Variants in ZYX observed in about 807,000 individuals in gnomAD.
ZYX encodes zyxin-2.
Under a neutral mutation model 58.1 loss-of-function variants are expected in ZYX, and 37 were observed. The ratio of observed to expected loss-of-function variants is 0.64; its 90% CI spans 0.49 to 0.84. The LOEUF (loss-of-function observed/expected upper bound fraction) is 0.84. Among genes scored for constraint, ZYX ranks in the 40% least tolerant of loss-of-function variants. The pLI is 0.00. For missense variants in ZYX, 762 were observed against 761.6 expected (o/e 1.00, Z -0.01); for synonymous variants, 324 against 321.1 (o/e 1.01, Z -0.10).
chr7:143,387,666 A>G lies in ZYX; in HGVS notation c.1024-553A>G. On this transcript the variant is annotated intron_variant, in intron 5 of 9. Transcript: ENST00000322764. The surrounding 1 kb of genome is among the most constrained non-coding windows in gnomAD (Gnocchi z 5.8). ...AGTTCAGAGGCCCCTCACTCGAGGG[A>G]CAGGGTCTCTGTGTGGGGGTGGGGC... 5.1e-5 allele frequency: 24 copies of G among 470,518 alleles called. No homozygotes were observed. Among genetic ancestry groups the G allele is most frequent in the South Asian group, 3.7e-4 (24 of 64,534 alleles). 29.1% of individuals were successfully genotyped at this position (470,518 alleles called of 1,614,324 possible). A position where few individuals can be genotyped will look rare whatever the true frequency, so the allele number is the denominator to read the frequency against.
rs748856055 is a variant in ZYX at position 143,382,372 on chromosome 7, G to A, written c.333G>A (p.Glu111=). The change falls in exon 3 of 10, where the codon GAG becomes GAA. Residue 111 remains glutamate (E), a synonymous_variant. Transcript: ENST00000322764. ...CATTTCCCCCTGCGCCTCTGGAGGAGGAGATCTTCCCTTCCCCGCCGCCTC... is the reference window on the plus strand; with the variant it reads ...CATTTCCCCCTGCGCCTCTGGAGGAAGAGATCTTCCCTTCCCCGCCGCCTC... ...EESFPPAPLE[E]EIFPSPPPPP... is the part of the protein sequence containing the mutation. The A allele has an allele frequency of 1.3e-6, 2 of 1,590,106 alleles. No individual in the cohort carries two copies. The highest frequency in any genetic ancestry group is 1.1e-5 in the South Asian group (1 of 89,210).
chr7:143,390,525 G>T lies in ZYX; in HGVS notation c.1615-53G>T. 7.4e-7 allele frequency: 1 copy of T among 1,347,648 alleles called. No homozygotes were observed. 83.5% of individuals were successfully genotyped at this position (1,347,648 alleles called of 1,614,324 possible). On this transcript the variant is annotated intron_variant, in intron 9 of 9. Coordinates refer to ENST00000322764, the MANE Select transcript of ZYX (RefSeq NM_003461.5). This position sits in a 1 kb window ranked among gnomAD's most constrained non-coding sequence, Gnocchi z 4.3. ...GAGCTGGATGGGGTGGGGTAGGGTG[G>T]AGCAGAGCAGGGGCCTTCCGGTCCA...
rs1428557764 is a variant in ZYX, at chr7:143,388,953, C to T, written c.1493+8C>T. ...TGTCCCCGACTACCACAAGTGAGGA[C>T]CTGCCACCTGCCTTCTGGGTTCCCG... On this transcript the variant is annotated splice_region_variant and intron_variant, in intron 8 of 9. Transcript: ENST00000322764. The surrounding 1 kb of genome is among the most constrained non-coding windows in gnomAD (Gnocchi z 7.5). 6.2e-7 allele frequency: 1 copy of T among 1,600,428 alleles called. No homozygotes were observed. The highest frequency in any genetic ancestry group is 8.5e-7 in the Non-Finnish European group (1 of 1,172,592).
rs1804976711 is a variant in ZYX at position 143,389,089 on chromosome 7, G to C, written c.1493+144G>C. ...CCTGTCTGTAAACAGCAGGGACCAA[G>C]TCATCGGGATGTAGCTGTCCAGGGG... On this transcript the variant is annotated intron_variant, in intron 8 of 9. Transcript: ENST00000322764. The surrounding 1 kb of genome is among the most constrained non-coding windows in gnomAD (Gnocchi z 5.6). 2.1e-6 allele frequency: 2 copies of C among 970,070 alleles called. No individual in the cohort carries two copies. Among genetic ancestry groups the C allele is most frequent in the Admixed American group, 2.8e-5 (1 of 36,126 alleles). 60.1% of individuals were successfully genotyped at this position (970,070 alleles called of 1,614,324 possible).
chr7:143,384,322 G>A lies in ZYX; in HGVS notation c.1023+1000G>A, dbSNP rs950841828. On this transcript the variant is annotated intron_variant, in intron 5 of 9. Coordinates refer to ENST00000322764, the MANE Select transcript of ZYX (RefSeq NM_003461.5). The surrounding 1 kb of genome is among the most constrained non-coding windows in gnomAD (Gnocchi z 4.9). ...AAAGGCTTCGAAGGATGGGCAGGAC[G>A]TAAGAATCCAGAGAGGAGAGGGATG... 1.5e-5 allele frequency: 7 copies of A among 466,452 alleles called. No homozygotes were observed. The highest frequency in any genetic ancestry group is 6.0e-5 in the African/African-American group (3 of 49,950). 28.9% of individuals were successfully genotyped at this position (466,452 alleles called of 1,614,324 possible).
intron 5 of ZYX, among the ~76,000 whole-genome samples, chr7:143,385,589 C>A (rs141367801): frequency 7.2e-6 from 1 of 139,390 alleles, no homozygotes; most frequent in African/African-American, 2.6e-5. Flanking sequence ...TACATACTTT[C>A]TTACAAATAC....
At chr7:143,381,529 C>T (rs780758367) in intron 1 of ZYX, 28 bp from the exon 2 acceptor site, 2 of 1,585,214 alleles carry the variant, frequency 1.3e-6, no homozygotes, top group South Asian at 1.1e-5. Context: ...CCCGGCTCCG[C>T]GCTGCGTAAC....
At position 143,387,553 on chromosome 7, in the gene ZYX, G is replaced by A. The variant is rs527900833; in HGVS notation, c.1024-666G>A. On this transcript the variant is annotated intron_variant, in intron 5 of 9. Coordinates refer to ENST00000322764, the MANE Select transcript of ZYX (RefSeq NM_003461.5). The surrounding 1 kb of genome is among the most constrained non-coding windows in gnomAD (Gnocchi z 5.8). ...ACATCCACCCCCCACTCCAGTCCCC[G>A]GGATCCCCTAAATGGGAAGGTTGGG... Among the ~76,000 whole-genome samples the A allele has an allele frequency of 5.1e-4, 78 of 152,234 alleles. No homozygotes were observed. The highest frequency in any genetic ancestry group is 8.4e-4 in the African/African-American group (35 of 41,534).
chr7:143,390,802 T>G lies in ZYX; in HGVS notation c.*120T>G. On this transcript the variant is annotated 3_prime_UTR_variant, in exon 10 of 10. Coordinates refer to ENST00000322764, the MANE Select transcript of ZYX (RefSeq NM_003461.5). The surrounding 1 kb of genome is among the most constrained non-coding windows in gnomAD (Gnocchi z 4.3). ...TCTAGCCCCTCCCATTTCCAACCCCTCCCTAGCATCCCAGGTGCCCTGACC... is the reference window on the plus strand; with the variant it reads ...TCTAGCCCCTCCCATTTCCAACCCCGCCCTAGCATCCCAGGTGCCCTGACC... 1 of 752,710 alleles carries G rather than the reference T, an allele frequency of 1.3e-6. No homozygotes were observed. Among genetic ancestry groups the G allele is most frequent in the Non-Finnish European group, 2.2e-6 (1 of 449,054 alleles). The allele number at this position is 752,710 out of a possible 1,614,324, so 46.6% of individuals were successfully genotyped here.
intron 5 of ZYX, among the ~76,000 whole-genome samples, chr7:143,386,885 G>A (rs560096749): frequency 1.3e-5 from 2 of 152,168 alleles, no homozygotes; most frequent in African/African-American, 4.8e-5. Flanking sequence ...TGGCATTGGT[G>A]CAGGCTGGCA....
intron 1 of ZYX, 62 bp from the exon 2 acceptor site, chr7:143,381,495 C>G (rs570655425): frequency 6.7e-7 from 1 of 1,497,738 alleles, no homozygotes; most frequent in African/African-American, 1.4e-5. Flanking sequence ...CCAAGGGGAG[C>G]TGGGACCGCC....
At chr7:143,382,535 G>C in intron 3 of ZYX, 58 bp from the exon 4 acceptor site, 5 of 1,603,666 alleles carry the variant, frequency 3.1e-6, no homozygotes, top group Non-Finnish European at 3.4e-6. Flanking sequence ...CTGCACCTCT[G>C]CCTTGGGGGT....
Position 143,387,385 on chromosome 7 carries a change from G to T in ZYX, c.1024-834G>T, listed in dbSNP as rs1166274243. Among the ~76,000 whole-genome samples, 3 of 152,066 alleles carry T rather than the reference G, an allele frequency of 2.0e-5. No homozygotes were observed. Among genetic ancestry groups the T allele is most frequent in the Admixed American group, 1.3e-4 (2 of 15,278 alleles). On this transcript the variant is annotated intron_variant, in intron 5 of 9. Coordinates refer to ENST00000322764, the MANE Select transcript of ZYX (RefSeq NM_003461.5). The surrounding 1 kb of genome is among the most constrained non-coding windows in gnomAD (Gnocchi z 5.8). ...CTCAGTGATGGGGCCACAGTCCTGG[G>T]TAGGCTTTTCCAGACATAGAAAAGA... is the stretch of plus-strand genomic sequence containing the variant.
chr7:143,382,114 C>G (rs1479339389), intron 2 of ZYX, 134 bp from the exon 3 acceptor site: 3 of 766,046 alleles, frequency 3.9e-6, no homozygotes, highest in Non-Finnish European at 6.1e-6. Flanking sequence ...CGCCCTGCGC[C>G]CCTCCTTTGC....
rs533051605 is a variant in ZYX at position 143,382,038 on chromosome 7, G to C, written c.209-210G>C. On this transcript the variant is annotated intron_variant, in intron 2 of 9. Transcript: ENST00000322764. ...TTCCCCTCCGGGTCCGTTTTCCGAA[G>C]TGTAACGGGAGCTGCACCACTCCTC... 32 of 605,648 alleles carry C rather than the reference G, an allele frequency of 5.3e-5. No homozygotes were observed. The Admixed American group carries it at 7.7e-4, about 15-fold the overall frequency. The allele number at this position is 605,648 out of a possible 1,614,324, so 37.5% of individuals were successfully genotyped here. A position where few individuals can be genotyped will look rare whatever the true frequency, so the allele number is the denominator to read the frequency against.
In ZYX at chr7:143,382,664, G is replaced by C. The variant is rs757916464; in HGVS notation, c.480G>C (p.Lys160Asn). 1 of 1,614,000 alleles carries C rather than the reference G, an allele frequency of 6.2e-7. No individual in the cohort carries two copies. Residue 160 changes from lysine (K) to asparagine (N), a missense_variant, in exon 4 of 10, where the codon AAG becomes AAC. Transcript: ENST00000322764. ...CCTCACTGCTGGATGACATGACCAA[G>C]AATGATCCTTTCAAAGCCCGGGTAA... Reference protein sequence around the residue: ...SLSSLLDDMTKNDPFKARVSS... With the variant: ...SLSSLLDDMTNNDPFKARVSS...
chr7:143,381,542 G>A lies in ZYX; in HGVS notation c.-15-15G>A, dbSNP rs745310903. 1.2e-5 allele frequency: 19 copies of A among 1,598,990 alleles called. No individual in the cohort carries two copies. The highest frequency in any genetic ancestry group is 1.7e-5 in the Admixed American group (1 of 58,836). On this transcript the variant is annotated splice_polypyrimidine_tract_variant and intron_variant, in intron 1 of 9. Transcript: ENST00000322764. The stretch of plus-strand genomic sequence containing the variant: ...AGCCCGGCTCCGCGCTGCGTAACCC[G>A]GCGACCCACCCCAGCAGCCCGGCCC...
intron 4 of ZYX, 30 bp downstream of exon 4, chr7:143,382,715 G>A (rs185619051): frequency 3.1e-6 from 5 of 1,613,912 alleles, no homozygotes; most frequent in Middle Eastern, 1.6e-4. Context: ...GAAAAGCAGG[G>A]CTCAGGGCCA....
At chr7:143,381,931 C>T (rs1428150798) in intron 2 of ZYX, 152 bp downstream of exon 2, 1 of 830,930 alleles carries the variant, frequency 1.2e-6, no homozygotes, top group African/African-American at 1.7e-5. Context: ...CATCGTGGAG[C>T]TCGTGGCTGG....
Sources: gnomAD v4.1 joint callset for allele counts (sites outside exome capture counted in the v4.1 genomes callset) on GRCh38, gnomAD v4.1.1 for gene constraint, Gnocchi (gnomAD v3.1) non-coding constraint, MANE v1.5 for transcripts, NCBI Gene and HGNC (gene_info 2026-07-23, HGNC 2026-07-21) for gene names.